DGKG: variants seen among roughly 807,000 people sequenced by gnomAD.
The protein encoded by DGKG is DAG kinase gamma.
In DGKG, 78 loss-of-function variants were observed where a neutral mutation model predicts 105.3. The observed-to-expected ratio is 0.74, with a 90% CI of 0.62 to 0.89. The LOEUF is 0.89. Ranked by LOEUF, DGKG falls within the 40% of genes least tolerant of loss-of-function variation. The pLI is 0.00. For synonymous variants in DGKG, 346 were observed against 367.1 expected (o/e 0.94, Z 0.66); for missense variants, 958 against 1,020.1 (o/e 0.94, Z 0.83).
At chr3:186,276,707 G>T (rs1036107366) in intron 9 of DGKG, among the ~76,000 whole-genome samples, 2 of 152,164 alleles carry the variant, frequency 1.3e-5, no homozygotes, top group African/African-American at 4.8e-5. Flanking sequence ...ACACAGCACA[G>T]CTTGAGGAAT....
intron 20 of DGKG, among the ~76,000 whole-genome samples, chr3:186,229,083 C>T (rs555973126): frequency 5.9e-5 from 9 of 152,120 alleles, no homozygotes; most frequent in African/African-American, 1.4e-4. Context: ...GGGAGAAGGC[C>T]GTGTGATGAT....
intron 21 of DGKG, among the ~76,000 whole-genome samples, chr3:186,211,007 C>A (rs911724264): frequency 2.6e-5 from 4 of 152,086 alleles, no homozygotes; most frequent in African/African-American, 9.7e-5. Context: ...GAAGCCCAGC[C>A]AACGTGGGGT....
chr3:186,161,535 A>G, intron 24 of DGKG, 68 bp downstream of exon 24: 1 of 1,610,554 alleles, frequency 6.2e-7, no homozygotes, highest in Non-Finnish European at 8.5e-7. Flanking sequence ...ATTTCATATT[A>G]AGTCAGTGCC....
chr3:186,251,016 A>G (rs1468098663), intron 19 of DGKG, among the ~76,000 whole-genome samples: 1 of 152,112 alleles, frequency 6.6e-6, no homozygotes. Flanking sequence ...TTTGGACCAG[A>G]AGCTGAGCTA....
rs576684719 is a variant in DGKG, at chr3:186,266,953, G to A, written c.1209+732C>T. On this transcript the variant is annotated intron_variant, in intron 13 of 24. Transcript: ENST00000265022. ...GCTGGTCAAGTCCAGAGTGAGATGT[G>A]AGGAATGGGTGGGACTTGCAACATT... 2.6e-5 allele frequency among the ~76,000 whole-genome samples: 4 copies of A among 152,302 alleles called. No individual in the cohort carries two copies. The South Asian group carries it at 8.3e-4, about 32-fold the overall frequency.
At chr3:186,328,726 C>T (rs765078236) in intron 1 of DGKG, among the ~76,000 whole-genome samples, 5 of 151,998 alleles carry the variant, frequency 3.3e-5, no homozygotes, top group Non-Finnish European at 7.4e-5. Flanking sequence ...CAGGCACCTG[C>T]CACCACGCCC....
At chr3:186,194,322 C>G (rs1334567046) in intron 21 of DGKG, among the ~76,000 whole-genome samples, 1 of 152,250 alleles carries the variant, frequency 6.6e-6, no homozygotes, top group Non-Finnish European at 1.5e-5. Flanking sequence ...TAGGCAGAGG[C>G]CGCCGACTTC....
chr3:186,316,653 C>T (rs1724832811), intron 2 of DGKG, among the ~76,000 whole-genome samples: 1 of 152,154 alleles, frequency 6.6e-6, no homozygotes, highest in Non-Finnish European at 1.5e-5. Context: ...AGTTACTTGT[C>T]TCCAAGAGCA....
intron 1 of DGKG, among the ~76,000 whole-genome samples, chr3:186,359,287 A>G (rs1244265928): frequency 6.6e-6 from 1 of 152,198 alleles, no homozygotes. Context: ...CTAGGCATCT[A>G]TCCAAAGGAA....
intron 24 of DGKG, chr3:186,158,603 T>C (rs1373212945): frequency 6.3e-5 from 58 of 915,286 alleles, no homozygotes; most frequent in Non-Finnish European, 7.4e-5. Flanking sequence ...TTAATAAATA[T>C]GAATGCCTGA....
At chr3:186,158,945 TGTCTTCCTTTTA>T in intron 24 of DGKG, 1 of 529,362 alleles carries the variant, frequency 1.9e-6, no homozygotes, top group East Asian at 1.5e-4. Context: ...AACATTACTA[TGTCTTCCTTTTA>T]ATTTCTTTAT....
At chr3:186,159,734 G>GTAACAGAAA (rs1716197701) in intron 24 of DGKG, 1 of 152,184 alleles carries the variant, frequency 6.6e-6, no homozygotes, top group African/African-American at 2.4e-5. Flanking sequence ...GTTACCTTCT[G>GTAACAGAAA]TTATGGAATA....
Position 186,255,276 on chromosome 3 carries a change from G to A in DGKG, c.1511-2094C>T, listed in dbSNP as rs189798702. On this transcript the variant is annotated intron_variant, in intron 17 of 24. Coordinates refer to ENST00000265022, the MANE Select transcript of DGKG (RefSeq NM_001346.3). ...GGCTCTGAGAGTGGGCAAAAAAGCCGTGGCTTGGGTTCTCATGGTGCTTAC... is the reference window on the plus strand; with the variant it reads ...GGCTCTGAGAGTGGGCAAAAAAGCCATGGCTTGGGTTCTCATGGTGCTTAC... Among the ~76,000 whole-genome samples the A allele has an allele frequency of 8.1e-3, 1,240 of 152,364 alleles. 7 individuals are homozygous for A. The highest frequency in any genetic ancestry group is 0.011 in the Non-Finnish European group (771 of 68,036).
At chr3:186,223,453 G>T (rs1241133915) in intron 20 of DGKG, among the ~76,000 whole-genome samples, 1 of 152,078 alleles carries the variant, frequency 6.6e-6, no homozygotes, top group African/African-American at 2.4e-5. Context: ...GAGGCATCTT[G>T]TCTAGAATTA....
chr3:186,195,867 G>A (rs1176496752), intron 21 of DGKG, among the ~76,000 whole-genome samples: 3 of 152,078 alleles, frequency 2.0e-5, no homozygotes, highest in African/African-American at 7.2e-5. Flanking sequence ...TTTATTAGTG[G>A]GGCTGTATAT....
At chr3:186,219,151 TAA>T (rs35173611) in intron 20 of DGKG, among the ~76,000 whole-genome samples, 1,822 of 124,334 alleles carry the variant, frequency 0.015, 15 homozygotes, top group African/African-American at 0.042. Flanking sequence ...CATCAAGAGT[TAA>T]AAAAAAAAAA....
At chr3:186,278,230 C>A (rs1722672044) in intron 9 of DGKG, among the ~76,000 whole-genome samples, 1 of 151,840 alleles carries the variant, frequency 6.6e-6, no homozygotes, top group African/African-American at 2.4e-5. Context: ...TTCCCTGTAA[C>A]TAAAATGTCC....
At chr3:186,227,082 T>C (rs725443) in intron 20 of DGKG, among the ~76,000 whole-genome samples, 31,683 of 152,108 alleles carry the variant, frequency 0.21, 3,472 homozygotes, top group African/African-American at 0.26. Context: ...GGAGCGTTTA[T>C]AGAGGGGATG....
At chr3:186,302,480 A>G (rs71320337) in intron 3 of DGKG, among the ~76,000 whole-genome samples, 36 of 9,060 alleles carry the variant, frequency 4.0e-3, no homozygotes, top group Middle Eastern at 0.062. Flanking sequence ...ATATATATAT[A>G]TATATATATA....
Sources: allele counts gnomAD v4.1 joint callset (sites outside exome capture counted in the v4.1 genomes callset), GRCh38; gene constraint gnomAD v4.1.1; transcripts MANE v1.5; gene names NCBI Gene and HGNC (gene_info 2026-07-23, HGNC 2026-07-21).